The following PPFIA4 variants were observed in gnomAD, a reference collection of about 807,000 sequenced individuals.
PPFIA4 encodes PPFI scaffold protein A4, also known as liprin-alpha-4.
Under a neutral mutation model 145.7 loss-of-function variants are expected in PPFIA4, and 98 were observed. The ratio of observed to expected loss-of-function variants is 0.67; its 90% CI spans 0.57 to 0.80. PPFIA4 has a LOEUF of 0.80. Ranked by LOEUF, PPFIA4 falls within the 30% of genes least tolerant of loss-of-function variation. The pLI is 0.00. For synonymous variants in PPFIA4, 628 were observed against 649.6 expected (o/e 0.97, Z 0.51); for missense variants, 1,457 against 1,632.7 (o/e 0.89, Z 1.85).
chr1:203,033,195 T>G (rs184072283), intron 1 of PPFIA4, among the ~76,000 whole-genome samples: 102 of 152,344 alleles, frequency 6.7e-4, no homozygotes, highest in Non-Finnish European at 1.3e-3. Flanking sequence ...GTATTGTGTG[T>G]TATAATGTTC....
At chr1:203,059,885 C>T (rs1368818826) in intron 21 of PPFIA4, 34 bp downstream of exon 21, 4 of 1,555,770 alleles carry the variant, frequency 2.6e-6, no homozygotes, top group Admixed American at 1.8e-5. Flanking sequence ...ACTCAGGGGT[C>T]TGGAGGGAAG....
chr1:203,076,282 C>T (rs2102704721), intron 29 of PPFIA4, 59 bp from the exon 30 acceptor site: 1 of 1,542,742 alleles, frequency 6.5e-7, no homozygotes, highest in African/African-American at 1.4e-5. Context: ...TACAACCTCT[C>T]TCGCAGATGC....
intron 2 of PPFIA4, among the ~76,000 whole-genome samples, chr1:203,041,507 G>A (rs988452318): frequency 1.3e-5 from 2 of 152,198 alleles, no homozygotes; most frequent in African/African-American, 2.4e-5. Flanking sequence ...TGGGAGGATC[G>A]CCTGAGCCCA....
rs532687635 is a variant in PPFIA4, at chr1:203,076,951, G to A, written c.*561G>A. 6.5e-6 allele frequency: 1 copy of A among 153,524 alleles called. No individual in the cohort carries two copies. Among genetic ancestry groups the A allele is most frequent in the South Asian group, 2.0e-4 (1 of 4,886 alleles). The allele number at this position is 153,524 out of a possible 1,614,324, so 9.5% of individuals were successfully genotyped here. On this transcript the variant is annotated 3_prime_UTR_variant, in exon 30 of 30. Transcript: ENST00000295706. The stretch of plus-strand genomic sequence containing the variant: ...TCCTGCCCCCATTCTCTTGGGGTCA[G>A]GGAGGGGCTGGGAAGGGCTACTGAA...
chr1:203,054,159 T>C (rs1275202385), intron 15 of PPFIA4, 198 bp downstream of exon 15: 2 of 719,740 alleles, frequency 2.8e-6, no homozygotes, highest in Non-Finnish European at 5.0e-6. Context: ...CTTCTCAGGC[T>C]TCACCTCCCC....
chr1:203,060,864 A>G lies in PPFIA4; in HGVS notation c.2785-106A>G. On this transcript the variant is annotated intron_variant, in intron 22 of 29. Coordinates refer to ENST00000295706, the MANE Select transcript of PPFIA4 (RefSeq NM_001304331.2). The surrounding 1 kb of genome is among the most constrained non-coding windows in gnomAD (Gnocchi z 4.8). ...CATGATTGAGACCAGCCCCCATTTC[A>G]GAGGACTCAGGGAGGGAGCTTTGTC... 1.0e-6 allele frequency: 1 copy of G among 979,222 alleles called. No individual in the cohort carries two copies. Among genetic ancestry groups the G allele is most frequent in the Non-Finnish European group, 1.6e-6 (1 of 620,570 alleles). The allele number at this position is 979,222 out of a possible 1,614,324, so 60.7% of individuals were successfully genotyped here. A position where few individuals can be genotyped will look rare whatever the true frequency, so the allele number is the denominator to read the frequency against.
At position 203,045,280 on chromosome 1, in the gene PPFIA4, G is replaced by A. The variant is rs144732710; in HGVS notation, c.667-88G>A. On this transcript the variant is annotated intron_variant, in intron 6 of 29. Coordinates refer to ENST00000295706, the MANE Select transcript of PPFIA4 (RefSeq NM_001304331.2). Reference sequence around the variant, plus strand: ...CAGAGCCTTGACCTGCTCTGGGTGTGCTGTTCCTCCTTCCACCCCTGGGAT... The same window carrying A: ...CAGAGCCTTGACCTGCTCTGGGTGTACTGTTCCTCCTTCCACCCCTGGGAT... 2.2e-3 allele frequency: 2,673 copies of A among 1,194,538 alleles called. 75 individuals carry two copies. In the East Asian group the frequency reaches 0.063, roughly 28 times the overall value. The allele number at this position is 1,194,538 out of a possible 1,614,324, so 74.0% of individuals were successfully genotyped here.
chr1:203,076,372 C>T lies in PPFIA4; in HGVS notation c.3606C>T (p.Leu1202=). The change falls in exon 30 of 30, where the codon CTC becomes CTT. Residue 1202 remains leucine (L), a synonymous_variant. Transcript: ENST00000295706. ...AHSHYLYGHM[L]SAFRD is the part of the protein sequence containing the mutation. ...CCCACTATCTCTACGGACACATGCT[C>T]TCCGCCTTCCGGGACTAGCCATGGC... 1.2e-6 allele frequency: 2 copies of T among 1,608,168 alleles called. No individual in the cohort carries two copies. The highest frequency in any genetic ancestry group is 1.1e-5 in the South Asian group (1 of 91,080).
chr1:203,033,239 G>C (rs1658977401), intron 1 of PPFIA4, among the ~76,000 whole-genome samples: 1 of 152,198 alleles, frequency 6.6e-6, no homozygotes, highest in African/African-American at 2.4e-5. Flanking sequence ...TCACAGAGGG[G>C]TAAAGTCTCA....
chr1:203,045,662 C>A, intron 7 of PPFIA4, 103 bp downstream of exon 7: 1 of 1,451,298 alleles, frequency 6.9e-7, no homozygotes, highest in Non-Finnish European at 9.2e-7. Context: ...TGCCTCCTTG[C>A]CTGGCTCCAT....
At position 203,048,351 on chromosome 1, in the gene PPFIA4, G is replaced by A. The variant is rs370026678; in HGVS notation, c.1224+41G>A. ...CGGGCCCTCAGGCCCCCTCCTTCCC[G>A]CAGGACAGGCTCCCAGGGCGGTCTG... On this transcript the variant is annotated intron_variant, in intron 10 of 29. Coordinates refer to ENST00000295706, the MANE Select transcript of PPFIA4 (RefSeq NM_001304331.2). This position sits in a 1 kb window ranked among gnomAD's most constrained non-coding sequence, Gnocchi z 5.8. 3.1e-5 allele frequency: 50 copies of A among 1,593,172 alleles called. No individual in the cohort carries two copies. The highest frequency in any genetic ancestry group is 2.8e-4 in the South Asian group (25 of 88,634).
rs1031383182 is a variant in PPFIA4, at chr1:203,055,843, G to T, written c.2070+171G>T. Among the ~76,000 whole-genome samples the T allele has an allele frequency of 2.6e-5, 4 of 152,164 alleles. No individual in the cohort carries two copies. Among genetic ancestry groups the T allele is most frequent in the African/African-American group, 7.2e-5 (3 of 41,424 alleles). The stretch of plus-strand genomic sequence containing the variant: ...GCCTGTCCTTCTGGGTTTGGGAAGG[G>T]CCTAGGTCATATCTTCTTTGCCCTC... On this transcript the variant is annotated intron_variant, in intron 16 of 29. Coordinates refer to ENST00000295706, the MANE Select transcript of PPFIA4 (RefSeq NM_001304331.2). This position sits in a 1 kb window ranked among gnomAD's most constrained non-coding sequence, Gnocchi z 4.8.
At chr1:203,044,306 C>A in intron 4 of PPFIA4, 73 bp from the exon 5 acceptor site, 1 of 1,418,184 alleles carries the variant, frequency 7.1e-7, no homozygotes, top group Non-Finnish European at 9.7e-7. Flanking sequence ...GGTGGTAGAC[C>A]AAGCCCAGTC....
intron 27 of PPFIA4, among the ~76,000 whole-genome samples, chr1:203,069,756 C>A (rs1026063149): frequency 4.0e-5 from 4 of 99,130 alleles, no homozygotes; most frequent in African/African-American, 1.5e-4. Flanking sequence ...TCTGCAGTGA[C>A]CCCCCCGCCC....
At chr1:203,053,723 AC>A (rs1660697839) in intron 14 of PPFIA4, 29 bp from the exon 15 acceptor site, 5 of 1,541,204 alleles carry the variant, frequency 3.2e-6, no homozygotes, top group Non-Finnish European at 3.5e-6. Flanking sequence ...GTGTCTTATT[AC>A]GACTCCTTTA....
intron 1 of PPFIA4, among the ~76,000 whole-genome samples, chr1:203,036,221 G>A (rs1466690707): frequency 6.6e-6 from 1 of 152,162 alleles, no homozygotes; most frequent in Non-Finnish European, 1.5e-5. Flanking sequence ...TTGCTGCCCA[G>A]CCATGATCTC....
chr1:203,076,497 G>A lies in PPFIA4; in HGVS notation c.*107G>A. 8.6e-7 allele frequency: 1 copy of A among 1,167,564 alleles called. No individual in the cohort carries two copies. Among genetic ancestry groups the A allele is most frequent in the Non-Finnish European group, 1.3e-6 (1 of 795,494 alleles). The allele number at this position is 1,167,564 out of a possible 1,614,324, so 72.3% of individuals were successfully genotyped here. ...TTCCGCAGCTCCTAGTCTCGTCCGT[G>A]ACTTTCCGGTTGCCCTGGATCTCAG... On this transcript the variant is annotated 3_prime_UTR_variant, in exon 30 of 30. Transcript: ENST00000295706.
chr1:203,069,064 T>A (rs1661946746), intron 27 of PPFIA4, among the ~76,000 whole-genome samples: 2 of 152,080 alleles, frequency 1.3e-5, no homozygotes. Context: ...AGGGATCTGC[T>A]CCTGGGCCCC....
chr1:203,058,765 T>C (rs1270638147), intron 19 of PPFIA4, among the ~76,000 whole-genome samples: 1 of 152,176 alleles, frequency 6.6e-6, no homozygotes, highest in Non-Finnish European at 1.5e-5. Flanking sequence ...GACACAGCTC[T>C]CAGTGTGTGG....
Sources: gnomAD v4.1 joint callset for allele counts (sites outside exome capture counted in the v4.1 genomes callset) on GRCh38, gnomAD v4.1.1 for gene constraint, Gnocchi (gnomAD v3.1) non-coding constraint, MANE v1.5 for transcripts, NCBI Gene and HGNC (gene_info 2026-07-23, HGNC 2026-07-21) for gene names.